DIS3L: variants seen among roughly 807,000 people sequenced by gnomAD.
DIS3L encodes DIS3 like exosome 3'-5' exoribonuclease.
In DIS3L, 100 loss-of-function variants were observed where a neutral mutation model predicts 120.3. That is an observed-to-expected ratio of 0.83 (90% CI 0.71 to 0.98). The LOEUF (loss-of-function observed/expected upper bound fraction) is 0.98. DIS3L is among the 50% of genes least tolerant of loss of function. DIS3L has a pLI of 0.00. For missense variants in DIS3L, 1,196 were observed against 1,314.2 expected, an observed-to-expected ratio of 0.91 and a Z score of 1.39; for synonymous variants, 426 against 470.6, an observed-to-expected ratio of 0.91 and a Z score of 1.23.
intron 2 of DIS3L, among the ~76,000 whole-genome samples, chr15:66,304,415 T>C (rs951529852): frequency 1.3e-5 from 2 of 152,194 alleles, no homozygotes; most frequent in African/African-American, 2.4e-5. Flanking sequence ...ATCGTGCCAC[T>C]GCATTCCAGC....
At chr15:66,293,453 G>C (rs1473555128), upstream of DIS3L, 3 of 1,214,226 alleles carry the variant, frequency 2.5e-6, no homozygotes, top group Non-Finnish European at 3.1e-6. Flanking sequence ...CCCCAGCCTG[G>C]AGCGTGTAGC....
Position 66,325,995 on chromosome 15 carries a change from A to G in DIS3L, c.1832A>G (p.Lys611Arg), listed in dbSNP as rs1355633620. Residue 611 changes from lysine to arginine, a missense_variant, in exon 12 of 17, where the codon AAA (lysine) becomes AGA (arginine). Lys to Arg is a conservative substitution (Grantham distance 26). Coordinates refer to ENST00000319212, the MANE Select transcript of DIS3L (RefSeq NM_001143688.3). The stretch of plus-strand genomic sequence containing the variant: ...GTTGTTGATGATATTCCAGAATTCA[A>G]AGACTTGGATGAGAAGAGCAGACAA... ...LSVVDDIPEF[K>R]DLDEKSRQAK... The G allele has an allele frequency of 2.5e-6, 4 of 1,614,200 alleles. No individual in the cohort carries two copies. In the South Asian group the frequency reaches 4.4e-5, roughly 18 times the overall value.
At chr15:66,316,342 A>C (rs2092817084) in intron 7 of DIS3L, among the ~76,000 whole-genome samples, 1 of 150,724 alleles carries the variant, frequency 6.6e-6, no homozygotes, top group African/African-American at 2.4e-5. Context: ...AATGCTGGCA[A>C]CTCCAACTCT....
intron 6 of DIS3L, 159 bp from the exon 7 acceptor site, chr15:66,314,877 T>C: frequency 1.5e-6 from 1 of 683,146 alleles, no homozygotes; most frequent in Non-Finnish European, 2.4e-6. Flanking sequence ...AATTCTTCAT[T>C]CCTAACCTGC....
At chr15:66,324,195 A>G (rs1252209176) in intron 11 of DIS3L, among the ~76,000 whole-genome samples, 1 of 152,206 alleles carries the variant, frequency 6.6e-6, no homozygotes, top group Non-Finnish European at 1.5e-5. Flanking sequence ...TTCCTTTTAA[A>G]AAAGAACTTA....
At chr15:66,315,285 A>G (rs1214508086) in intron 7 of DIS3L, 70 bp downstream of exon 7, 1 of 1,419,674 alleles carries the variant, frequency 7.0e-7, no homozygotes, top group Non-Finnish European at 9.4e-7. Flanking sequence ...CTCTTTAGCA[A>G]TCCAGAAATA....
intron 6 of DIS3L, 148 bp downstream of exon 6, chr15:66,314,265 G>T: frequency 1.9e-6 from 1 of 515,310 alleles, no homozygotes; most frequent in Non-Finnish European, 3.2e-6. Context: ...GGCGGGGGGT[G>T]GTTCCCCTAG....
intron 7 of DIS3L, among the ~76,000 whole-genome samples, chr15:66,315,526 T>C (rs564081867): frequency 1.5e-3 from 222 of 152,318 alleles, no homozygotes; most frequent in African/African-American, 4.9e-3. Context: ...TACATTGTTA[T>C]TAACTATAGT....
intron 2 of DIS3L, among the ~76,000 whole-genome samples, chr15:66,304,295 A>T (rs1291607309): frequency 4.0e-5 from 6 of 151,646 alleles, no homozygotes; most frequent in South Asian, 2.1e-4. Context: ...TACAAAAAAA[A>T]TACAAAAATT....
intron 2 of DIS3L, among the ~76,000 whole-genome samples, chr15:66,305,599 A>G (rs959384428): frequency 5.3e-5 from 8 of 151,610 alleles, no homozygotes; most frequent in Non-Finnish European, 7.4e-5. Flanking sequence ...ATCATAGCTC[A>G]CTGCAGCCTC....
chr15:66,319,757 A>G (rs940566241), intron 8 of DIS3L, among the ~76,000 whole-genome samples: 1 of 151,970 alleles, frequency 6.6e-6, no homozygotes, highest in East Asian at 1.9e-4. Context: ...GTTTGCTGGA[A>G]TTTTGGGGTA....
At chr15:66,308,919 A>G (rs2140347662) in intron 4 of DIS3L, 75 bp downstream of exon 4, 2 of 1,469,500 alleles carry the variant, frequency 1.4e-6, no homozygotes, top group Non-Finnish European at 1.8e-6. Context: ...TCCCTTTGGT[A>G]ACACAGAAAA....
chr15:66,300,002 G>T (rs1298293299), intron 2 of DIS3L, among the ~76,000 whole-genome samples: 1 of 152,142 alleles, frequency 6.6e-6, no homozygotes, highest in Non-Finnish European at 1.5e-5. Context: ...AGTGAGCCAG[G>T]ATCGCTCCAC....
Position 66,318,448 on chromosome 15 carries a change from G to T in DIS3L, c.995-1G>T. 1 of 1,613,126 alleles carries T rather than the reference G, an allele frequency of 6.2e-7. No homozygotes were observed. The highest frequency in any genetic ancestry group is 8.5e-7 in the Non-Finnish European group (1 of 1,179,516). On this transcript the variant is annotated splice_acceptor_variant, in intron 7 of 16. Coordinates refer to ENST00000319212, the MANE Select transcript of DIS3L (RefSeq NM_001143688.3). LOFTEE classifies it high-confidence loss of function. The stretch of plus-strand genomic sequence containing the variant: ...CCTTGTTTTGTTTTGTTTTGCCAAA[G>T]GTCGAGTGGTGGGCATACTTCAGAA...
chr15:66,315,629 T>C (rs372887455), intron 7 of DIS3L, among the ~76,000 whole-genome samples: 2 of 152,208 alleles, frequency 1.3e-5, no homozygotes, highest in Non-Finnish European at 2.9e-5. Flanking sequence ...TTTACTCTTA[T>C]CAGCACCCAA....
chr15:66,295,413 T>G (rs1013167579), intron 2 of DIS3L, among the ~76,000 whole-genome samples: 2 of 152,252 alleles, frequency 1.3e-5, no homozygotes, highest in East Asian at 3.8e-4. Flanking sequence ...GTCTTTTGGC[T>G]TGCATTTTTA....
intron 5 of DIS3L, 113 bp downstream of exon 5, chr15:66,312,013 A>G (rs2092768003): frequency 1.6e-6 from 2 of 1,238,538 alleles, no homozygotes; most frequent in African/African-American, 3.0e-5. Context: ...TGGAGACCAG[A>G]CTGGGCAACA....
Position 66,311,858 on chromosome 15 carries a change from G to C in DIS3L, c.693G>C (p.Leu231=), listed in dbSNP as rs765436009. The C allele has an allele frequency of 6.2e-7, 1 of 1,613,992 alleles. No homozygotes were observed. Among genetic ancestry groups the C allele is most frequent in the African/African-American group, 1.3e-5 (1 of 74,900 alleles). The stretch of plus-strand genomic sequence containing the variant: ...AGGAGTACCCAGAACATCTTCCCCT[G>C]GAAGTGTTAGAAGCTGGGATTAAAT... ...HGKEYPEHLP[L]EVLEAGIKSG... is the part of the protein sequence containing the mutation. Residue 231 remains leucine (L), a synonymous_variant, in exon 5 of 17, where the codon CTG becomes CTC. Coordinates refer to ENST00000319212, the MANE Select transcript of DIS3L (RefSeq NM_001143688.3).
intron 4 of DIS3L, among the ~76,000 whole-genome samples, chr15:66,309,973 C>G (rs1368480779): frequency 6.6e-6 from 1 of 152,210 alleles, no homozygotes; most frequent in African/African-American, 2.4e-5. Context: ...CGCAGTTCTT[C>G]CTATCTCTTA....
Sources: allele counts gnomAD v4.1 joint callset (sites outside exome capture counted in the v4.1 genomes callset), GRCh38; gene constraint gnomAD v4.1.1; transcripts MANE v1.5; gene names NCBI Gene and HGNC (gene_info 2026-07-23, HGNC 2026-07-21).